The following SLCO4A1 variants were observed in gnomAD, a reference collection of about 807,000 sequenced individuals.
The protein encoded by SLCO4A1 is solute carrier organic anion transporter family member 4A1.
SLCO4A1 carries 51 observed loss-of-function variants against 64.6 expected under a neutral mutation model. That is an observed-to-expected ratio of 0.79 (90% confidence interval 0.63 to 1.00). The LOEUF (loss-of-function observed/expected upper bound fraction) is 1.00, where lower values mean the gene tolerates loss of function less well. Ranked by LOEUF, SLCO4A1 falls within the 50% of genes least tolerant of loss-of-function variation. The probability of loss-of-function intolerance (pLI) is 0.00; values close to 1 mark genes in which losing one functional copy is unlikely to be tolerated. For missense variants in SLCO4A1, 919 were observed against 980.5 expected, an observed-to-expected ratio of 0.94 and a Z score of 0.84; for synonymous variants, 471 against 444.9, an observed-to-expected ratio of 1.06 and a Z score of -0.74.
At chr20:62,677,370 C>T (rs1054154004) in intron 2 of SLCO4A1, among the ~76,000 whole-genome samples, 6 of 152,222 alleles carry the variant, frequency 3.9e-5, no homozygotes, top group Non-Finnish European at 8.8e-5. Flanking sequence ...GCTTTCACTC[C>T]TGTAGACCAT....
intron 9 of SLCO4A1, 107 bp from the exon 10 acceptor site, chr20:62,668,370 G>GT (rs1986767871): frequency 7.6e-7 from 1 of 1,311,174 alleles, no homozygotes. Flanking sequence ...ACTTGGGGGG[G>GT]GGTGATGATG....
At chr20:62,663,056 T>G (rs893592071) in intron 5 of SLCO4A1, 1 of 152,222 alleles carries the variant, frequency 6.6e-6, no homozygotes, top group Non-Finnish European at 1.5e-5. Flanking sequence ...GCTCTCCCAT[T>G]TTAATCAGGG....
chr20:62,668,532 A>G lies in SLCO4A1; in HGVS notation c.1867A>G (p.Arg623Gly). 1.2e-6 allele frequency: 2 copies of G among 1,613,302 alleles called. No homozygotes were observed. The highest frequency in any genetic ancestry group is 1.7e-6 in the Non-Finnish European group (2 of 1,179,400). Reference sequence around the variant, plus strand: ...CCTGGGAATCCAGTGGATTGTAGTTAGAATACTAGGTACTGTGCAGTGTGA... The same window carrying G: ...CCTGGGAATCCAGTGGATTGTAGTTGGAATACTAGGTACTGTGCAGTGTGA... ...FALGIQWIVV[R>G]ILGGIPGPIA... Residue 623 changes from arginine to glycine, a missense_variant, in exon 10 of 12, where the codon AGA becomes GGA. Physicochemically the swap from Arg to Gly is moderately radical, Grantham distance 125. Transcript: ENST00000217159.
At position 62,672,189 on chromosome 20, in the gene SLCO4A1, G is replaced by A; in HGVS notation, c.*296G>A. 1.5e-6 allele frequency: 2 copies of A among 1,309,494 alleles called. No homozygotes were observed. The highest frequency in any genetic ancestry group is 2.0e-6 in the Non-Finnish European group (2 of 1,022,476). 81.1% of individuals were successfully genotyped at this position (1,309,494 alleles called of 1,614,324 possible). On this transcript the variant is annotated 3_prime_UTR_variant, in exon 12 of 12. Transcript: ENST00000217159. ...GTGCGTGAGGACAAACTCCGCAGGG[G>A]CTGTGAATCCCACTGGGAGGGCGGT...
In SLCO4A1 at chr20:62,644,323, G is replaced by A. The variant is rs1454020807; in HGVS notation, c.-97+1770G>A. Reference sequence around the variant, plus strand: ...GCCTTCCTGCTGGGCAAGGTCAGCAGGTGGTGCCTGGAAAATTCTTCATGA... The same window carrying A: ...GCCTTCCTGCTGGGCAAGGTCAGCAAGTGGTGCCTGGAAAATTCTTCATGA... On this transcript the variant is annotated intron_variant, in intron 1 of 11. Coordinates refer to ENST00000217159, the MANE Select transcript of SLCO4A1 (RefSeq NM_016354.4). The surrounding 1 kb of genome is among the most constrained non-coding windows in gnomAD (Gnocchi z 5.4). Among the ~76,000 whole-genome samples, 1 of 152,270 alleles carries A rather than the reference G, an allele frequency of 6.6e-6. No individual in the cohort carries two copies. The highest frequency in any genetic ancestry group is 1.5e-5 in the Non-Finnish European group (1 of 68,044).
intron 2 of SLCO4A1, among the ~76,000 whole-genome samples, chr20:62,684,743 C>T (rs532924330): frequency 1.2e-4 from 19 of 152,266 alleles, no homozygotes; most frequent in African/African-American, 2.4e-4. Flanking sequence ...CACTCATTCC[C>T]GCCAGGGCGA....
intron 2 of SLCO4A1, among the ~76,000 whole-genome samples, chr20:62,658,154 C>T (rs1984085934): frequency 6.6e-6 from 1 of 152,258 alleles, no homozygotes; most frequent in Non-Finnish European, 1.5e-5. Context: ...TCTGCAGTGA[C>T]CTCAGCCTCC....
chr20:62,684,788 A>G (rs1987993156), intron 2 of SLCO4A1, among the ~76,000 whole-genome samples: 1 of 151,232 alleles, frequency 6.6e-6, no homozygotes, highest in Non-Finnish European at 1.5e-5. Flanking sequence ...GGCAGCCCCC[A>G]CCCCAGCAAT....
Position 62,661,132 on chromosome 20 carries a change from G to T in SLCO4A1, c.1078G>T (p.Ala360Ser). The change falls in exon 5 of 12, where the codon GCG (alanine) becomes TCG (serine). Residue 360 changes from alanine (A) to serine (S), a missense_variant. Transcript: ENST00000217159. The surrounding 1 kb of genome is among the most constrained non-coding windows in gnomAD (Gnocchi z 5.2). ...HQLKDSSRGE[A>S]SNPDFGKTIR... is the part of the protein sequence containing the mutation. ...GTTGAAGGACAGCAGCCGTGGGGAG[G>T]CGAGCAACCCGGACTTTGGGAAAAC... 1.2e-6 allele frequency: 2 copies of T among 1,613,266 alleles called. No homozygotes were observed. The highest frequency in any genetic ancestry group is 1.7e-6 in the Non-Finnish European group (2 of 1,179,860).
intron 1 of SLCO4A1, among the ~76,000 whole-genome samples, chr20:62,648,518 G>A (rs753400531): frequency 6.6e-6 from 1 of 152,134 alleles, no homozygotes; most frequent in East Asian, 1.9e-4. Context: ...CATGGGAGCC[G>A]TGTGGCCGGA....
At chr20:62,672,301 G>A (rs962773703), downstream of SLCO4A1, 57 of 1,090,510 alleles carry the variant, frequency 5.2e-5, no homozygotes, top group Middle Eastern at 4.3e-4. Flanking sequence ...CTGCGTCCCC[G>A]TACCGCGTGC....
intron 10 of SLCO4A1, 31 bp from the exon 11 acceptor site, chr20:62,668,899 G>C: frequency 3.1e-6 from 5 of 1,593,542 alleles, no homozygotes; most frequent in Non-Finnish European, 4.3e-6. Context: ...CCCACCAGGA[G>C]TGTGGGTGCT....
In SLCO4A1 at chr20:62,644,666, C is replaced by T. The variant is rs1316203846; in HGVS notation, c.-97+2113C>T. On this transcript the variant is annotated intron_variant, in intron 1 of 11. Transcript: ENST00000217159. The surrounding 1 kb of genome is among the most constrained non-coding windows in gnomAD (Gnocchi z 5.4). ...AGCCCATTGTAGAATGAAAAGTTAA[C>T]TCATCGAGCTTAGTATTGTGCCTAC... is the stretch of plus-strand genomic sequence containing the variant. 2.0e-5 allele frequency among the ~76,000 whole-genome samples: 3 copies of T among 152,252 alleles called. No homozygotes were observed. Among genetic ancestry groups the T allele is most frequent in the Non-Finnish European group, 2.9e-5 (2 of 68,044 alleles).
At position 62,661,041 on chromosome 20, in the gene SLCO4A1, C is replaced by CCCCCCCCCCCCCCCCCCACA; in HGVS notation, c.1010-23_1010-22insCCCCCCCCCCCCCCCCCACA. The CCCCCCCCCCCCCCCCCCACA allele has an allele frequency of 4.9e-6, 7 of 1,424,138 alleles. No individual in the cohort carries two copies. Among genetic ancestry groups the CCCCCCCCCCCCCCCCCCACA allele is most frequent in the Non-Finnish European group, 6.9e-6 (7 of 1,010,138 alleles). 88.2% of individuals were successfully genotyped at this position (1,424,138 alleles called of 1,614,324 possible). A position where few individuals can be genotyped will look rare whatever the true frequency, so the allele number is the denominator to read the frequency against. On this transcript the variant is annotated intron_variant, in intron 4 of 11. Transcript: ENST00000217159. The surrounding 1 kb of genome is among the most constrained non-coding windows in gnomAD (Gnocchi z 5.2). ...TCCGGGAGCCCCCAGCCCCCAGCCC[C>CCCCCCCCCCCCCCCCCCACA]AGCTCACTCTGTGCCCTTCCAGGCT...
chr20:62,656,911 G>T lies in SLCO4A1; in HGVS notation c.457G>T (p.Ala153Ser). ...CATCGCCAGCTCCTACGACATTGCC[G>T]CCTGCCTCTGCCTCACCTTCGTCAG... The part of the protein sequence containing the change: ...GLIASSYDIA[A>S]CLCLTFVSYF... Residue 153 changes from alanine to serine, a missense_variant, in exon 2 of 12, where the codon GCC (alanine) becomes TCC (serine). Ala to Ser is a moderately conservative substitution (Grantham distance 99). Coordinates refer to ENST00000217159, the MANE Select transcript of SLCO4A1 (RefSeq NM_016354.4). 1 of 1,566,348 alleles carries T rather than the reference G, an allele frequency of 6.4e-7. No homozygotes were observed. The highest frequency in any genetic ancestry group is 8.7e-7 in the Non-Finnish European group (1 of 1,150,382).
chr20:62,671,053 G>A (rs1031676228), intron 11 of SLCO4A1, among the ~76,000 whole-genome samples: 3 of 152,142 alleles, frequency 2.0e-5, no homozygotes, highest in South Asian at 2.1e-4. Flanking sequence ...CTGCCACATC[G>A]TCCTCTTGCC....
In SLCO4A1 at chr20:62,645,364, A is replaced by G. The variant is rs1156995502; in HGVS notation, c.-97+2811A>G. On this transcript the variant is annotated intron_variant, in intron 1 of 11. Transcript: ENST00000217159. This position sits in a 1 kb window ranked among gnomAD's most constrained non-coding sequence, Gnocchi z 4.2. ...CTGTGGGCCTCTGCAGAGGAAGCAG[A>G]CTGGGACTACAAAGAACAACCTGGT... is the stretch of plus-strand genomic sequence containing the variant. Among the ~76,000 whole-genome samples the G allele has an allele frequency of 6.6e-6, 1 of 151,900 alleles. No individual in the cohort carries two copies. Among genetic ancestry groups the G allele is most frequent in the African/African-American group, 2.4e-5 (1 of 41,366 alleles).
At chr20:62,677,165 G>A (rs1418953317), downstream of SLCO4A1, among the ~76,000 whole-genome samples, 2 of 152,358 alleles carry the variant, frequency 1.3e-5, no homozygotes, top group East Asian at 3.9e-4. Flanking sequence ...ACTGTCATGG[G>A]TGCAGGGCGT....
At position 62,668,019 on chromosome 20, in the gene SLCO4A1, G is replaced by A. The variant is rs200817613; in HGVS notation, c.1646G>A (p.Arg549Gln). ...TATTGTTGGGCTTCCCAGGTGTACC[G>A]AGACTGTAGCTGTATCCCTCAGAAT... ...ETNVDGQKVY[R>Q]DCSCIPQNLS... Residue 549 changes from arginine to glutamine, a missense_variant, in exon 9 of 12, where the codon CGA (arginine) becomes CAA (glutamine). Physicochemically the swap from Arg to Gln is conservative, Grantham distance 43. Coordinates refer to ENST00000217159, the MANE Select transcript of SLCO4A1 (RefSeq NM_016354.4). The A allele has an allele frequency of 2.4e-5, 38 of 1,614,046 alleles. No individual in the cohort carries two copies. The Middle Eastern group carries it at 1.2e-3, about 49-fold the overall frequency.
Sources: gnomAD v4.1 joint callset for allele counts (sites outside exome capture counted in the v4.1 genomes callset) on GRCh38, gnomAD v4.1.1 for gene constraint, Gnocchi (gnomAD v3.1) non-coding constraint, MANE v1.5 for transcripts, NCBI Gene and HGNC (gene_info 2026-07-23, HGNC 2026-07-21) for gene names.